ANTXR1: variants seen among roughly 807,000 people sequenced by gnomAD.
ANTXR1 encodes the protein anthrax toxin receptor 1.
In ANTXR1, 19 loss-of-function variants were observed where a neutral mutation model predicts 78.1. That is an observed-to-expected ratio of 0.24 (90% CI 0.17 to 0.36). The LOEUF (loss-of-function observed/expected upper bound fraction) is 0.36, where lower values mean the gene tolerates loss of function less well. Among genes scored for constraint, ANTXR1 ranks in the 10% least tolerant of loss-of-function variants. The pLI is 1.00. For missense variants in ANTXR1, 518 were observed against 718.6 expected, an observed-to-expected ratio of 0.72 and a Z score of 3.19; for synonymous variants, 273 against 260.5, an observed-to-expected ratio of 1.05 and a Z score of -0.46.
chr2:69,244,487 C>G (rs1295261155), intron 17 of ANTXR1, among the ~76,000 whole-genome samples: 2 of 152,152 alleles, frequency 1.3e-5, no homozygotes, highest in African/African-American at 4.8e-5. Context: ...TTGGAGAAGG[C>G]AAGGCGTGGA....
At chr2:69,202,762 C>G (rs1330950385) in intron 17 of ANTXR1, among the ~76,000 whole-genome samples, 4 of 152,148 alleles carry the variant, frequency 2.6e-5, no homozygotes, top group Non-Finnish European at 5.9e-5. Flanking sequence ...GGAGCTGGAA[C>G]TGGAGCTCCT....
chr2:69,166,679 C>T (rs897963206), intron 13 of ANTXR1, among the ~76,000 whole-genome samples: 18 of 152,192 alleles, frequency 1.2e-4, no homozygotes, highest in African/African-American at 4.3e-4. Flanking sequence ...ATTAACGACC[C>T]TTCAACCCTA....
At chr2:69,016,051 G>A (rs1671015646) in intron 1 of ANTXR1, among the ~76,000 whole-genome samples, 1 of 152,182 alleles carries the variant, frequency 6.6e-6, no homozygotes, top group African/African-American at 2.4e-5. Context: ...ATTTGTGGGA[G>A]ATAGGCACTG....
At chr2:69,029,195 C>G (rs1442692892) in intron 1 of ANTXR1, among the ~76,000 whole-genome samples, 1 of 151,920 alleles carries the variant, frequency 6.6e-6, no homozygotes, top group Non-Finnish European at 1.5e-5. Flanking sequence ...CACCACTACA[C>G]TTCGGCCAGG....
At chr2:69,037,447 C>T (rs773997530) in intron 1 of ANTXR1, among the ~76,000 whole-genome samples, 43 of 152,046 alleles carry the variant, frequency 2.8e-4, no homozygotes, top group African/African-American at 9.2e-4. Flanking sequence ...AAAAGCAACA[C>T]GGAGAGACCA....
At chr2:69,204,455 G>A (rs548138671) in intron 17 of ANTXR1, among the ~76,000 whole-genome samples, 1 of 152,214 alleles carries the variant, frequency 6.6e-6, no homozygotes, top group Non-Finnish European at 1.5e-5. Context: ...GCTGAGGTCT[G>A]GAAAGGTGGT....
At chr2:69,055,215 G>A (rs1440588725) in intron 3 of ANTXR1, among the ~76,000 whole-genome samples, 2 of 152,118 alleles carry the variant, frequency 1.3e-5, no homozygotes, top group South Asian at 4.1e-4. Flanking sequence ...TGATTCAAAG[G>A]GTGAGTCCCC....
chr2:69,066,051 A>G (rs6760810), intron 3 of ANTXR1, among the ~76,000 whole-genome samples: 41,626 of 152,084 alleles, frequency 0.27, 10,602 homozygotes, highest in African/African-American at 0.66. Flanking sequence ...AAAGAAGAAG[A>G]AGGAAGAGTA....
intron 6 of ANTXR1, 110 bp from the exon 7 acceptor site, chr2:69,075,480 C>A: frequency 9.5e-7 from 1 of 1,047,600 alleles, no homozygotes; most frequent in Non-Finnish European, 1.5e-6. Context: ...GCACCAGGCA[C>A]ATGGTAGGTG....
intron 12 of ANTXR1, among the ~76,000 whole-genome samples, chr2:69,126,057 G>A (rs1031277902): frequency 1.3e-5 from 2 of 152,190 alleles, no homozygotes; most frequent in African/African-American, 2.4e-5. Flanking sequence ...AGTAACTGGA[G>A]TTGTGTCCTT....
chr2:69,041,995 A>G (rs1238185562), intron 2 of ANTXR1, among the ~76,000 whole-genome samples: 1 of 152,202 alleles, frequency 6.6e-6, no homozygotes, highest in Non-Finnish European at 1.5e-5. Context: ...TGCCCATAAC[A>G]GTGCCAGACA....
chr2:69,095,233 T>G (rs1671360672), intron 9 of ANTXR1, among the ~76,000 whole-genome samples: 1 of 152,226 alleles, frequency 6.6e-6, no homozygotes, highest in African/African-American at 2.4e-5. Context: ...CCTCTTTTTC[T>G]TCCTGTTTTC....
At chr2:69,102,679 G>A (rs1266360260) in intron 9 of ANTXR1, among the ~76,000 whole-genome samples, 163 bp from the exon 10 acceptor site, 1 of 152,246 alleles carries the variant, frequency 6.6e-6, no homozygotes, top group African/African-American at 2.4e-5. Context: ...GCACTGGTAA[G>A]TAGTGAAAGG....
chr2:69,225,282 G>C (rs1195197620), intron 17 of ANTXR1, among the ~76,000 whole-genome samples: 1 of 152,116 alleles, frequency 6.6e-6, no homozygotes, highest in African/African-American at 2.4e-5. Context: ...TTTAAAAGGA[G>C]TCTCCATGAG....
At chr2:69,063,325 CTTACTT>C (rs1002044351) in intron 3 of ANTXR1, among the ~76,000 whole-genome samples, 37 of 151,794 alleles carry the variant, frequency 2.4e-4, no homozygotes, top group African/African-American at 8.9e-4. Flanking sequence ...AAAAAAATAA[CTTACTT>C]TTTATTAGGA....
intron 17 of ANTXR1, among the ~76,000 whole-genome samples, chr2:69,219,387 AC>A (rs1675261010): frequency 7.5e-6 from 1 of 133,092 alleles, no homozygotes; most frequent in African/African-American, 3.5e-5. Flanking sequence ...GAAGGAGGAC[AC>A]ACACACACAC....
chr2:69,186,066 T>G (rs1674408923), intron 16 of ANTXR1, among the ~76,000 whole-genome samples: 1 of 151,442 alleles, frequency 6.6e-6, no homozygotes, highest in Non-Finnish European at 1.5e-5. Context: ...CAGTAAACAG[T>G]GTTGTACCTG....
intron 6 of ANTXR1, 80 bp from the exon 7 acceptor site, chr2:69,075,510 T>C (rs998199772): frequency 8.9e-6 from 12 of 1,349,632 alleles, no homozygotes; most frequent in Non-Finnish European, 1.2e-5. Context: ...TACCTCATCA[T>C]TGAAGTTAGT....
intron 11 of ANTXR1, 84 bp downstream of exon 11, chr2:69,123,170 G>A: frequency 7.1e-7 from 1 of 1,412,164 alleles, no homozygotes; most frequent in South Asian, 1.1e-5. Flanking sequence ...AAAGCATCTA[G>A]AGAAAGTGGA....
Sources: allele counts gnomAD v4.1 joint callset (sites outside exome capture counted in the v4.1 genomes callset), GRCh38; gene constraint gnomAD v4.1.1; transcripts MANE v1.5; gene names NCBI Gene and HGNC (gene_info 2026-07-23, HGNC 2026-07-21).